ZNF804B: variants seen among roughly 807,000 people sequenced by gnomAD.
The protein encoded by ZNF804B is zinc finger 804B.
Under a neutral mutation model 101.4 loss-of-function variants are expected in ZNF804B, and 80 were observed. That is an observed-to-expected ratio of 0.79 (90% CI 0.66 to 0.95). The LOEUF (loss-of-function observed/expected upper bound fraction) is 0.95. Among genes scored for constraint, ZNF804B ranks in the 40% least tolerant of loss-of-function variants. ZNF804B has a pLI of 0.00. For missense variants in ZNF804B, 1,673 were observed against 1,561.9 expected (o/e 1.07, Z -1.20); for synonymous variants, 622 against 558.8 (o/e 1.11, Z -1.59).
In ZNF804B at chr7:89,183,896, G is replaced by GA. The variant is rs376068210; in HGVS notation, c.109-34255dup. On this transcript the variant is annotated intron_variant, in intron 1 of 3. Transcript: ENST00000333190. The stretch of plus-strand genomic sequence containing the variant: ...AATCCAGCAGAAATGACAAGCGCTG[G>GA]AAAATCTTTTTGTGGGTCCTTAATT... Among the ~76,000 whole-genome samples the GA allele has an allele frequency of 3.7e-3, 562 of 152,228 alleles. 4 individuals are homozygous for GA. Among genetic ancestry groups the GA allele is most frequent in the African/African-American group, 0.013 (535 of 41,548 alleles).
At chr7:88,787,247 G>C (rs770605571) in intron 1 of ZNF804B, among the ~76,000 whole-genome samples, 1 of 152,162 alleles carries the variant, frequency 6.6e-6, no homozygotes, top group Non-Finnish European at 1.5e-5. Context: ...AGGCTTTGCA[G>C]ATTATTTATT....
At chr7:89,114,937 C>T (rs927103011) in intron 1 of ZNF804B, among the ~76,000 whole-genome samples, 3 of 152,172 alleles carry the variant, frequency 2.0e-5, no homozygotes, top group Admixed American at 6.5e-5. Flanking sequence ...AAACATTTAG[C>T]TTTACACGTT....
At chr7:89,165,058 A>C (rs1246594900) in intron 1 of ZNF804B, among the ~76,000 whole-genome samples, 1 of 152,130 alleles carries the variant, frequency 6.6e-6, no homozygotes, top group Admixed American at 6.6e-5. Context: ...CATTATCACA[A>C]GGCTGTTGCG....
chr7:89,233,601 G>T (rs1191043303), intron 2 of ZNF804B, among the ~76,000 whole-genome samples: 1 of 151,996 alleles, frequency 6.6e-6, no homozygotes, highest in Non-Finnish European at 1.5e-5. Context: ...TTGAGGGGTA[G>T]GCTGGAGGAA....
chr7:89,262,101 CT>C (rs1233603267), intron 2 of ZNF804B, among the ~76,000 whole-genome samples: 3 of 152,112 alleles, frequency 2.0e-5, no homozygotes, highest in African/African-American at 7.2e-5. Flanking sequence ...ATGAAAATAC[CT>C]TGTGAACTTC....
intron 1 of ZNF804B, among the ~76,000 whole-genome samples, chr7:89,055,687 A>T (rs771265157): frequency 3.8e-4 from 58 of 152,032 alleles, no homozygotes; most frequent in Non-Finnish European, 5.7e-4. Context: ...CACTGTAGCT[A>T]TTTAGGCAGG....
chr7:89,301,093 A>G (rs1457121245), intron 2 of ZNF804B, among the ~76,000 whole-genome samples: 2 of 135,860 alleles, frequency 1.5e-5, no homozygotes, highest in African/African-American at 5.4e-5. Flanking sequence ...GGAATTTTTC[A>G]AGCGTGTTTT....
chr7:88,774,901 T>C (rs548557107), intron 1 of ZNF804B, among the ~76,000 whole-genome samples: 1 of 152,250 alleles, frequency 6.6e-6, no homozygotes, highest in Admixed American at 6.5e-5. Flanking sequence ...TCACCAAAGT[T>C]CCCAGTGAAA....
chr7:89,008,079 T>C (rs1483469804), intron 1 of ZNF804B, among the ~76,000 whole-genome samples: 1 of 152,132 alleles, frequency 6.6e-6, no homozygotes, highest in Non-Finnish European at 1.5e-5. Flanking sequence ...GTTAAAGTTA[T>C]TCATCCCTAT....
intron 1 of ZNF804B, among the ~76,000 whole-genome samples, chr7:88,858,817 G>C (rs1188390403): frequency 1.3e-5 from 2 of 152,092 alleles, no homozygotes; most frequent in African/African-American, 4.8e-5. Context: ...TTATGTATTT[G>C]AGAAAACACA....
intron 1 of ZNF804B, among the ~76,000 whole-genome samples, chr7:89,165,772 G>C (rs1405778865): frequency 1.3e-5 from 2 of 152,044 alleles, no homozygotes; most frequent in African/African-American, 4.8e-5. Flanking sequence ...ACTTCAACTT[G>C]GTTCAACTTT....
intron 1 of ZNF804B, among the ~76,000 whole-genome samples, chr7:89,049,806 G>T (rs1378159557): frequency 6.6e-6 from 1 of 152,070 alleles, no homozygotes; most frequent in Non-Finnish European, 1.5e-5. Context: ...AAAGTCAGAG[G>T]TTCAAGACAA....
At chr7:89,009,957 A>T (rs1012678647) in intron 1 of ZNF804B, among the ~76,000 whole-genome samples, 7 of 152,188 alleles carry the variant, frequency 4.6e-5, no homozygotes, top group Non-Finnish European at 7.3e-5. Context: ...CATTTTTACT[A>T]AATCTCATTT....
At chr7:88,816,962 G>A (rs1461362741) in intron 1 of ZNF804B, among the ~76,000 whole-genome samples, 1 of 150,160 alleles carries the variant, frequency 6.7e-6, no homozygotes, top group Non-Finnish European at 1.5e-5. Flanking sequence ...ATTGACAATA[G>A]CAAAGACTTG....
In ZNF804B at chr7:89,129,801, C is replaced by T. The variant is rs73393261; in HGVS notation, c.109-88354C>T. 3.7e-3 allele frequency among the ~76,000 whole-genome samples: 558 copies of T among 152,078 alleles called. 4 individuals are homozygous for T. Among genetic ancestry groups the T allele is most frequent in the African/African-American group, 0.012 (519 of 41,522 alleles). ...ACACAGGCCACTGGGCTCCAGAGCA[C>T]GTGCTCTTAGCTACCAATCCATGCT... On this transcript the variant is annotated intron_variant, in intron 1 of 3. Transcript: ENST00000333190.
chr7:89,220,714 C>A (rs1788992435), intron 2 of ZNF804B, among the ~76,000 whole-genome samples: 1 of 151,846 alleles, frequency 6.6e-6, no homozygotes, highest in African/African-American at 2.4e-5. Context: ...GCTCTTGTTA[C>A]CTTAGTGGTC....
chr7:88,830,381 A>G (rs7811475), intron 1 of ZNF804B, among the ~76,000 whole-genome samples: 5,953 of 152,136 alleles, frequency 0.039, 407 homozygotes, highest in African/African-American at 0.14. Flanking sequence ...ATATATAGAC[A>G]AATACAAATC....
chr7:88,953,229 T>TA (rs1793251836), intron 1 of ZNF804B, among the ~76,000 whole-genome samples: 1 of 151,800 alleles, frequency 6.6e-6, no homozygotes, highest in Non-Finnish European at 1.5e-5. Context: ...CTCAATCAGA[T>TA]ACAGTGATAC....
intron 1 of ZNF804B, among the ~76,000 whole-genome samples, chr7:88,826,597 G>A (rs777466440): frequency 9.9e-5 from 15 of 151,956 alleles, no homozygotes; most frequent in Non-Finnish European, 1.5e-4. Context: ...GTTGGATGGC[G>A]GCTTTACAGA....
Sources: allele counts gnomAD v4.1 joint callset (sites outside exome capture counted in the v4.1 genomes callset), GRCh38; gene constraint gnomAD v4.1.1; transcripts MANE v1.5; gene names NCBI Gene and HGNC (gene_info 2026-07-23, HGNC 2026-07-21).